The following DUSP22 variants were observed in gnomAD, a reference collection of about 807,000 sequenced individuals.
DUSP22 encodes dual specificity protein phosphatase 22.
In DUSP22, 24 loss-of-function variants were observed where a neutral mutation model predicts 24.5. The ratio of observed to expected loss-of-function variants is 0.98; its 90% CI spans 0.71 to 1.38. The LOEUF (loss-of-function observed/expected upper bound fraction) is 1.38, where lower values mean the gene tolerates loss of function less well. Among genes scored for constraint, DUSP22 ranks in the 40% most tolerant of loss-of-function variants. The pLI, the probability that DUSP22 is intolerant of heterozygous loss-of-function variation, is 0.00. For synonymous variants in DUSP22, 160 were observed against 106.4 expected (o/e 1.50, Z -3.10); for missense variants, 330 against 269.2 (o/e 1.23, Z -1.58).
chr6:347,820 G>C (rs1403681074), intron 5 of DUSP22, among the ~76,000 whole-genome samples: 2 of 152,306 alleles, frequency 1.3e-5, no homozygotes, highest in Non-Finnish European at 2.9e-5. Context: ...ACCTGAGGAG[G>C]GGCTGAGGAG....
chr6:310,849 G>A (rs1758052866), intron 2 of DUSP22, among the ~76,000 whole-genome samples: 1 of 152,306 alleles, frequency 6.6e-6, no homozygotes, highest in African/African-American at 2.4e-5. Context: ...TCTTGATGAT[G>A]TAATCCATGT....
At chr6:319,518 A>G (rs551558623) in intron 3 of DUSP22, among the ~76,000 whole-genome samples, 2,623 of 151,484 alleles carry the variant, frequency 0.017, 2 homozygotes, top group African/African-American at 0.061. Context: ...ATCTATTTCT[A>G]CCTGAATGAT....
intron 3 of DUSP22, among the ~76,000 whole-genome samples, chr6:334,387 A>G (rs1759272060): frequency 6.6e-6 from 1 of 152,204 alleles, no homozygotes; most frequent in Non-Finnish European, 1.5e-5. Flanking sequence ...GTCCCTCCGA[A>G]AGAGAAACAG....
At chr6:297,550 G>A (rs1445030203) in intron 1 of DUSP22, among the ~76,000 whole-genome samples, 1 of 152,306 alleles carries the variant, frequency 6.6e-6, no homozygotes, top group African/African-American at 2.4e-5. Context: ...TGTGGATTAT[G>A]AGAGGTTTAG....
chr6:325,842 C>T (rs9503277), intron 3 of DUSP22: 17 of 167,004 alleles, frequency 1.0e-4, no homozygotes, highest in African/African-American at 2.4e-4. Context: ...GCTTCCGCGT[C>T]CTGGTGTGTG....
intron 1 of DUSP22, among the ~76,000 whole-genome samples, chr6:299,554 G>GT (rs1757489221): frequency 1.3e-5 from 2 of 152,302 alleles, no homozygotes; most frequent in African/African-American, 4.8e-5. Context: ...TGTGACTACA[G>GT]AGAGGGATTG....
At chr6:346,675 C>T (rs1013187387) in intron 5 of DUSP22, among the ~76,000 whole-genome samples, 106 of 152,388 alleles carry the variant, frequency 7.0e-4, no homozygotes, top group Admixed American at 1.8e-3. Flanking sequence ...CCGGACATGT[C>T]CCCTCTCTGT....
At chr6:306,705 G>A (rs1299041747) in intron 2 of DUSP22, among the ~76,000 whole-genome samples, 1 of 152,312 alleles carries the variant, frequency 6.6e-6, no homozygotes, top group Non-Finnish European at 1.5e-5. Context: ...TTCCCCAATT[G>A]TGCTGTGAAT....
chr6:331,185 A>T (rs1198168138), intron 3 of DUSP22, among the ~76,000 whole-genome samples: 2 of 152,304 alleles, frequency 1.3e-5, no homozygotes, highest in African/African-American at 4.8e-5. Flanking sequence ...AGCCTCATAA[A>T]ACTGTGATGT....
chr6:294,169 G>A (rs1465169614), intron 1 of DUSP22, among the ~76,000 whole-genome samples: 1 of 152,280 alleles, frequency 6.6e-6, no homozygotes, highest in African/African-American at 2.4e-5. Context: ...AACAAAAGCA[G>A]TAATATTCAT....
chr6:322,830 TGG>T (rs61690495), intron 3 of DUSP22, among the ~76,000 whole-genome samples: 552 of 18,768 alleles, frequency 0.029, 3 homozygotes, highest in African/African-American at 0.044. Context: ...GGCTGCTTGG[TGG>T]GGCGGGGGGG....
intron 4 of DUSP22, 36 bp from the exon 5 acceptor site, chr6:345,818 T>TAG (rs1467211810): frequency 5.0e-6 from 8 of 1,608,366 alleles, no homozygotes; most frequent in Non-Finnish European, 4.3e-6. Context: ...TTGAGTAAAG[T>TAG]AGAGAGATGT....
chr6:322,999 T>C (rs898861033), intron 3 of DUSP22, among the ~76,000 whole-genome samples: 1 of 152,296 alleles, frequency 6.6e-6, no homozygotes, highest in Non-Finnish European at 1.5e-5. Context: ...TAAGCAAATC[T>C]GCTGTTTTCA....
At chr6:333,619 G>C (rs1478572229) in intron 3 of DUSP22, among the ~76,000 whole-genome samples, 1 of 152,306 alleles carries the variant, frequency 6.6e-6, no homozygotes, top group Non-Finnish European at 1.5e-5. Context: ...GAGACTGAAA[G>C]CTCATGGTTC....
At chr6:340,402 G>A (rs1292716813) in intron 4 of DUSP22, among the ~76,000 whole-genome samples, 2 of 152,302 alleles carry the variant, frequency 1.3e-5, no homozygotes, top group Non-Finnish European at 2.9e-5. Context: ...GGCAGGGCCT[G>A]TGGGTTGGGG....
chr6:348,299 G>C, intron 6 of DUSP22, 25 bp downstream of exon 6: 2 of 1,613,674 alleles, frequency 1.2e-6, no homozygotes, highest in Non-Finnish European at 1.7e-6. Flanking sequence ...GGGGACATCA[G>C]AGATGCAGGC....
In DUSP22 at chr6:350,893, G is replaced by A. The variant is rs1352420320; in HGVS notation, c.*1942G>A. 2 of 1,613,990 alleles carry A rather than the reference G, an allele frequency of 1.2e-6. No homozygotes were observed. The highest frequency in any genetic ancestry group is 8.5e-7 in the Non-Finnish European group (1 of 1,179,790). On this transcript the variant is annotated 3_prime_UTR_variant, in exon 7 of 7. Coordinates refer to ENST00000419235, the MANE Select transcript of DUSP22 (RefSeq NM_001286555.3). ...ATGTACCTGAAGTTTCTGAAATATTGCAAACCCACAGAGTTTAGGCTGGTG... is the reference window on the plus strand; with the variant it reads ...ATGTACCTGAAGTTTCTGAAATATTACAAACCCACAGAGTTTAGGCTGGTG...
chr6:324,771 C>T (rs1437711478), intron 3 of DUSP22, among the ~76,000 whole-genome samples: 1 of 152,296 alleles, frequency 6.6e-6, no homozygotes, highest in African/African-American at 2.4e-5. Context: ...AAAGGGCTTC[C>T]TAGATGCTGC....
chr6:348,092 T>C lies in DUSP22; in HGVS notation c.264-11T>C. On this transcript the variant is annotated splice_polypyrimidine_tract_variant and intron_variant, in intron 5 of 6. Transcript: ENST00000419235. ...ACTGCCCTCACACATGTGCTTCTCT[T>C]GGCCCCGCAGCCTGGCCGGGGTCTC... The C allele has an allele frequency of 6.2e-7, 1 of 1,613,948 alleles. No individual in the cohort carries two copies. Among genetic ancestry groups the C allele is most frequent in the East Asian group, 2.2e-5 (1 of 44,880 alleles).
Sources: gnomAD v4.1 joint callset for allele counts (sites outside exome capture counted in the v4.1 genomes callset) on GRCh38, gnomAD v4.1.1 for gene constraint, MANE v1.5 for transcripts, NCBI Gene and HGNC (gene_info 2026-07-23, HGNC 2026-07-21) for gene names.